Variants in DGKB observed in about 807,000 individuals in gnomAD.
DGKB encodes the protein diacylglycerol kinase beta.
Under a neutral mutation model 114.3 loss-of-function variants are expected in DGKB, and 67 were observed. The ratio of observed to expected loss-of-function variants is 0.59; its 90% CI spans 0.48 to 0.72. The LOEUF (loss-of-function observed/expected upper bound fraction) is 0.72, where lower values mean the gene tolerates loss of function less well. DGKB is among the 30% of genes least tolerant of loss of function. The pLI is 0.00. For synonymous variants in DGKB, 398 were observed against 323.1 expected, an observed-to-expected ratio of 1.23 and a Z score of -2.49; for missense variants, 907 against 975.2, an observed-to-expected ratio of 0.93 and a Z score of 0.93.
chr7:14,753,795 A>G, intron 4 of DGKB, 133 bp downstream of exon 4: 1 of 684,546 alleles, frequency 1.5e-6, no homozygotes, highest in Non-Finnish European at 2.5e-6. Flanking sequence ...TATGAGTATT[A>G]TAGGCAACCT....
rs143453906 is a variant in DGKB at position 14,917,163 on chromosome 7, T to C, written c.-188+57533A>G. 3.1e-3 allele frequency among the ~76,000 whole-genome samples: 465 copies of C among 152,104 alleles called. 1 individual carries two copies. The highest frequency in any genetic ancestry group is 6.8e-3 in the Middle Eastern group (2 of 294). On this transcript the variant is annotated intron_variant, in intron 1 of 4. Coordinates refer to the DGKB transcript ENST00000437998. Reference sequence around the variant, plus strand: ...TGAGAGGGGAAGTTTGTAGCACTGATTGATATATTATAAAAGAAGAGAGAT... The same window carrying C: ...TGAGAGGGGAAGTTTGTAGCACTGACTGATATATTATAAAAGAAGAGAGAT...
intron 3 of DGKB, among the ~76,000 whole-genome samples, chr7:14,756,405 T>C (rs188222398): frequency 1.9e-3 from 286 of 151,952 alleles, no homozygotes; most frequent in African/African-American, 6.8e-3. Flanking sequence ...ACAAGGGAAA[T>C]GTAGGTCAAA....
intron 21 of DGKB, among the ~76,000 whole-genome samples, chr7:14,443,731 T>G (rs1031028999): frequency 1.3e-5 from 2 of 152,044 alleles, no homozygotes; most frequent in Non-Finnish European, 2.9e-5. Context: ...TTTGAAAATT[T>G]TGTTGGCTTG....
intron 1 of DGKB, among the ~76,000 whole-genome samples, chr7:14,963,882 C>T (rs931957565): frequency 6.6e-6 from 1 of 152,038 alleles, no homozygotes; most frequent in African/African-American, 2.4e-5. Flanking sequence ...ATAAATATAG[C>T]ACAGATCTTG....
At chr7:14,736,939 T>G (rs957821250) in intron 4 of DGKB, among the ~76,000 whole-genome samples, 1 of 152,172 alleles carries the variant, frequency 6.6e-6, no homozygotes, top group Non-Finnish European at 1.5e-5. Flanking sequence ...GTGAAGAGCT[T>G]GGTTTCTCCT....
chr7:14,234,794 C>T (rs1792511553), intron 23 of DGKB, among the ~76,000 whole-genome samples: 1 of 152,014 alleles, frequency 6.6e-6, no homozygotes, highest in Admixed American at 6.6e-5. Flanking sequence ...GCAGTATTCA[C>T]TTTAAAGCAA....
chr7:14,175,280 C>T (rs1455458994), intron 25 of DGKB, among the ~76,000 whole-genome samples: 1 of 152,168 alleles, frequency 6.6e-6, no homozygotes, highest in Admixed American at 6.5e-5. Flanking sequence ...TACATACTCA[C>T]ATATAACATA....
intron 2 of DGKB, among the ~76,000 whole-genome samples, chr7:14,787,025 G>A (rs540709537): frequency 2.9e-4 from 44 of 152,276 alleles, no homozygotes; most frequent in African/African-American, 1.0e-3. Flanking sequence ...GCTGAGAGTT[G>A]AGCAGATTTT....
At chr7:14,206,877 G>T (rs28605107) in intron 23 of DGKB, among the ~76,000 whole-genome samples, 1 of 151,954 alleles carries the variant, frequency 6.6e-6, no homozygotes, top group Non-Finnish European at 1.5e-5. Flanking sequence ...TAGGCTAATA[G>T]ATTGTACTAC....
chr7:14,323,321 A>G (rs539603339), intron 23 of DGKB, among the ~76,000 whole-genome samples: 2 of 152,248 alleles, frequency 1.3e-5, no homozygotes, highest in Admixed American at 1.3e-4. Context: ...GCCGTGTTCT[A>G]TTTATTGATC....
At chr7:14,882,813 G>T (rs545983476) in intron 1 of DGKB, among the ~76,000 whole-genome samples, 1 of 151,846 alleles carries the variant, frequency 6.6e-6, no homozygotes, top group African/African-American at 2.4e-5. Flanking sequence ...GTGTATATAT[G>T]CCACATTTTC....
intron 21 of DGKB, among the ~76,000 whole-genome samples, chr7:14,376,044 T>A (rs1818432172): frequency 6.6e-6 from 1 of 152,198 alleles, no homozygotes; most frequent in Non-Finnish European, 1.5e-5. Flanking sequence ...ATACAGGTAA[T>A]CCAGGGTACA....
rs1323248378 is a variant in DGKB at position 14,338,589 on chromosome 7, C to T, written c.2048G>A (p.Arg683Gln). Reference sequence around the variant, plus strand: ...GTCAGACCCTTTTTTCTCTATTCGTCGATGGCTTCGTCTTTTCTTAGACTC... The same window carrying T: ...GTCAGACCCTTTTTTCTCTATTCGTTGATGGCTTCGTCTTTTCTTAGACTC... ...WGESKKRRSH[R>Q]RIEKKGSDKR... is the part of the protein sequence containing the mutation. Residue 683 changes from arginine to glutamine, a missense_variant, in exon 23 of 26, where the codon CGA becomes CAA. Arg to Gln is a conservative substitution (Grantham distance 43, BLOSUM62 1). Around this residue, in one of 3 missense-constraint regions of DGKB, gnomAD observed 814 missense variants for 856.6 expected, o/e 0.95. Transcript: ENST00000402815. The T allele has an allele frequency of 1.9e-6, 3 of 1,609,408 alleles. No homozygotes were observed. Among genetic ancestry groups the T allele is most frequent in the Admixed American group, 1.7e-5 (1 of 59,572 alleles).
chr7:14,849,357 T>A (rs1318979817), intron 1 of DGKB, among the ~76,000 whole-genome samples: 1 of 152,090 alleles, frequency 6.6e-6, no homozygotes, highest in Non-Finnish European at 1.5e-5. Flanking sequence ...AACAATATTA[T>A]CAAGTGGGAC....
intron 25 of DGKB, among the ~76,000 whole-genome samples, chr7:14,159,006 T>TC (rs753173412): frequency 6.6e-6 from 1 of 152,282 alleles, no homozygotes; most frequent in Non-Finnish European, 1.5e-5. Context: ...AAATGGTCAT[T>TC]ACCTCTCCCG....
intron 25 of DGKB, among the ~76,000 whole-genome samples, chr7:14,159,862 G>A (rs1367605194): frequency 6.6e-6 from 1 of 151,952 alleles, no homozygotes; most frequent in Non-Finnish European, 1.5e-5. Context: ...TAGTAGAGAT[G>A]GGGTTTCACA....
chr7:14,664,693 T>G (rs1434101396), intron 13 of DGKB, among the ~76,000 whole-genome samples: 1 of 152,044 alleles, frequency 6.6e-6, no homozygotes, highest in African/African-American at 2.4e-5. Flanking sequence ...AGAAAAAGTT[T>G]AATTTACTGT....
intron 6 of DGKB, among the ~76,000 whole-genome samples, chr7:14,704,129 A>C (rs575054225): frequency 2.6e-5 from 4 of 152,118 alleles, no homozygotes; most frequent in South Asian, 2.1e-4. Context: ...ATTGAATTGA[A>C]TATAACATTT....
Position 14,149,110 on chromosome 7 carries a change from TAA to T in DGKB, c.*19_*20del, listed in dbSNP as rs1781795180. 1 of 1,597,920 alleles carries T rather than the reference TAA, an allele frequency of 6.3e-7. No individual in the cohort carries two copies. The highest frequency in any genetic ancestry group is 8.6e-7 in the Non-Finnish European group (1 of 1,165,500). On this transcript the variant is annotated 3_prime_UTR_variant, in exon 26 of 26. Coordinates refer to ENST00000402815, the MANE Select transcript of DGKB (RefSeq NM_001350709.2). ...GGCCCAATTATGCTAATTCAATTTC[TAA>T]GAGTGAAACAACACAGGATTATTCC...
Sources: gnomAD v4.1 joint callset for allele counts (sites outside exome capture counted in the v4.1 genomes callset) on GRCh38, gnomAD v4.1.1 for gene constraint, gnomAD v4.1.1 regional missense constraint, MANE v1.5 for transcripts, NCBI Gene and HGNC (gene_info 2026-07-23, HGNC 2026-07-21) for gene names.